Variants in DLGAP2 observed in about 807,000 individuals in gnomAD.
The protein encoded by DLGAP2 is disks large-associated protein 2.
A neutral mutation model predicts 100.3 loss-of-function variants in DLGAP2; 26 were observed. The ratio of observed to expected loss-of-function variants is 0.26; its 90% CI spans 0.19 to 0.36. DLGAP2 has a LOEUF of 0.36. DLGAP2 is among the 10% of genes least tolerant of loss of function. The probability of loss-of-function intolerance (pLI) is 1.00; values close to 1 mark genes in which losing one functional copy is unlikely to be tolerated. For missense variants in DLGAP2, 1,858 were observed against 1,453.2 expected (o/e 1.28, Z -4.53); for synonymous variants, 886 against 630.1 (o/e 1.41, Z -6.08).
intron 2 of DLGAP2, among the ~76,000 whole-genome samples, chr8:1,152,656 G>C (rs1415586677): frequency 6.6e-6 from 1 of 152,170 alleles, no homozygotes; most frequent in Non-Finnish European, 1.5e-5. Context: ...GGGCCTCCTA[G>C]GATGCGAACT....
At chr8:963,284 C>G (rs1359827938) in intron 2 of DLGAP2, among the ~76,000 whole-genome samples, 2 of 148,572 alleles carry the variant, frequency 1.3e-5, no homozygotes, top group South Asian at 4.1e-4. Flanking sequence ...TTTCAGAAGG[C>G]ACCCTACGTA....
intron 4 of DLGAP2, among the ~76,000 whole-genome samples, chr8:1,547,480 G>C (rs867355997): frequency 1.3e-5 from 2 of 152,080 alleles, no homozygotes; most frequent in South Asian, 2.1e-4. Context: ...AGGGTCTGGG[G>C]CAGGAGGGGC....
chr8:1,615,410 G>A (rs1426297696), intron 6 of DLGAP2, among the ~76,000 whole-genome samples: 2 of 152,158 alleles, frequency 1.3e-5, no homozygotes, highest in African/African-American at 4.8e-5. Context: ...GGCTGAAGTT[G>A]TAGCAACATG....
intron 2 of DLGAP2, among the ~76,000 whole-genome samples, chr8:1,052,741 C>G (rs757960135): frequency 6.6e-6 from 1 of 152,058 alleles, no homozygotes; most frequent in Admixed American, 6.5e-5. Flanking sequence ...GAGGGGTTTT[C>G]TAGGGGCTCG....
intron 2 of DLGAP2, among the ~76,000 whole-genome samples, chr8:1,241,935 C>G (rs556055504): frequency 6.6e-6 from 1 of 152,320 alleles, no homozygotes; most frequent in East Asian, 1.9e-4. Context: ...TGACAAGGTA[C>G]ATGAATGATG....
chr8:1,240,025 AT>A (rs1798750283), intron 2 of DLGAP2, among the ~76,000 whole-genome samples: 1 of 150,444 alleles, frequency 6.6e-6, no homozygotes, highest in Non-Finnish European at 1.5e-5. Context: ...GTTCTCTCAC[AT>A]GGCGCCGTGT....
chr8:1,319,827 A>G lies in DLGAP2; in HGVS notation c.106+60944A>G, dbSNP rs775641151. Among the ~76,000 whole-genome samples the G allele has an allele frequency of 3.3e-5, 5 of 152,296 alleles. No homozygotes were observed. The East Asian group carries it at 7.7e-4, about 24-fold the overall frequency. On this transcript the variant is annotated intron_variant, in intron 3 of 14. Transcript: ENST00000637795. ...GGAAACGTAGATCACATGCCAGACAATGGCAAGGTCAGGTTGCTGGAGCAC... is the reference window on the plus strand; with the variant it reads ...GGAAACGTAGATCACATGCCAGACAGTGGCAAGGTCAGGTTGCTGGAGCAC...
chr8:1,593,922 G>A (rs555952383), intron 6 of DLGAP2, among the ~76,000 whole-genome samples: 45 of 152,332 alleles, frequency 3.0e-4, no homozygotes, highest in Non-Finnish European at 5.4e-4. Context: ...GTTGCACAGA[G>A]AACTGGCATC....
At chr8:971,463 C>T (rs1354724391) in intron 2 of DLGAP2, among the ~76,000 whole-genome samples, 1 of 152,228 alleles carries the variant, frequency 6.6e-6, no homozygotes, top group African/African-American at 2.4e-5. Context: ...GCAGGAATCA[C>T]AGCTTGTTAC....
rs117398758 is a variant in DLGAP2 at position 979,136 on chromosome 8, G to C, written c.73+71170G>C. Reference sequence around the variant, plus strand: ...ATGGCGAGTGCAGTTCTTGAATCCAGGTGAGCTCAACATTGTTAAGATTCT... The same window carrying C: ...ATGGCGAGTGCAGTTCTTGAATCCACGTGAGCTCAACATTGTTAAGATTCT... On this transcript the variant is annotated intron_variant, in intron 2 of 14. Coordinates refer to ENST00000637795, the MANE Select transcript of DLGAP2 (RefSeq NM_001346810.2). Among the ~76,000 whole-genome samples the C allele has an allele frequency of 9.7e-3, 1,476 of 152,258 alleles. 10 individuals are homozygous for C. Among genetic ancestry groups the C allele is most frequent in the Middle Eastern group, 0.014 (4 of 294 alleles).
intron 3 of DLGAP2, among the ~76,000 whole-genome samples, chr8:1,306,728 C>G (rs914418096): frequency 3.3e-5 from 5 of 152,056 alleles, no homozygotes; most frequent in Non-Finnish European, 5.9e-5. Flanking sequence ...AATAGAGAGT[C>G]CAGAAATAAA....
chr8:1,257,313 G>T (rs1218811926), intron 2 of DLGAP2, among the ~76,000 whole-genome samples: 2 of 152,112 alleles, frequency 1.3e-5, no homozygotes, highest in African/African-American at 4.8e-5. Flanking sequence ...GAGAGCCTGT[G>T]AGGCTCTGCC....
Position 1,316,947 on chromosome 8 carries a change from G to A in DLGAP2, c.106+58064G>A, listed in dbSNP as rs190769210. 2.5e-3 allele frequency among the ~76,000 whole-genome samples: 235 copies of A among 92,910 alleles called. 25 individuals are homozygous for A. The highest frequency in any genetic ancestry group is 9.6e-3 in the African/African-American group (212 of 22,194). 61.0% of individuals were successfully genotyped at this position (92,910 alleles called of 152,430 possible). ...ACAGTGGTCTACACTCGAGACACTC[G>A]GCAGCGTTTAAAAATAGAGCGTGTG... On this transcript the variant is annotated intron_variant, in intron 3 of 14. Coordinates refer to ENST00000637795, the MANE Select transcript of DLGAP2 (RefSeq NM_001346810.2).
At chr8:1,199,695 A>G (rs972536445) in intron 2 of DLGAP2, among the ~76,000 whole-genome samples, 4 of 152,124 alleles carry the variant, frequency 2.6e-5, no homozygotes, top group African/African-American at 9.7e-5. Context: ...TCTTATGGGT[A>G]TTTGCACTCG....
chr8:890,656 C>T (rs1333760170), intron 1 of DLGAP2, among the ~76,000 whole-genome samples: 1 of 152,014 alleles, frequency 6.6e-6, no homozygotes. Flanking sequence ...TGCAGGTTTG[C>T]CCTCACCCAC....
intron 3 of DLGAP2, among the ~76,000 whole-genome samples, chr8:1,466,628 A>G (rs932295330): frequency 3.9e-5 from 6 of 152,192 alleles, no homozygotes; most frequent in Middle Eastern, 3.4e-3. Flanking sequence ...ACTTACCTAA[A>G]TTCATAGTAG....
chr8:1,316,282 G>A (rs1439454625), intron 3 of DLGAP2, among the ~76,000 whole-genome samples: 1 of 136,248 alleles, frequency 7.3e-6, no homozygotes, highest in East Asian at 2.2e-4. Context: ...TGCGAGTGCA[G>A]CGTCTCTCCA....
chr8:813,936 A>T (rs912051354), intron 1 of DLGAP2, among the ~76,000 whole-genome samples: 1 of 152,308 alleles, frequency 6.6e-6, no homozygotes, highest in African/African-American at 2.4e-5. Flanking sequence ...GGATGAATAG[A>T]TGATAAAAAG....
intron 1 of DLGAP2, among the ~76,000 whole-genome samples, chr8:809,878 G>A (rs542165017): frequency 4.7e-4 from 72 of 152,248 alleles, no homozygotes; most frequent in Middle Eastern, 3.4e-3. Context: ...CCAGTCTGTC[G>A]TCCGTCTGGC....
Sources: allele counts gnomAD v4.1 joint callset (sites outside exome capture counted in the v4.1 genomes callset), GRCh38; gene constraint gnomAD v4.1.1; transcripts MANE v1.5; gene names NCBI Gene and HGNC (gene_info 2026-07-23, HGNC 2026-07-21).